The following FXN variants were observed in gnomAD, a reference collection of about 807,000 sequenced individuals.
FXN encodes frataxin.
In FXN, 14 loss-of-function variants were observed where a neutral mutation model predicts 22.4. The observed-to-expected ratio is 0.62, with a 90% confidence interval of 0.41 to 0.98. The LOEUF is 0.98. Ranked by LOEUF, FXN falls within the 50% of genes least tolerant of loss-of-function variation. The pLI, the probability that FXN is intolerant of heterozygous loss-of-function variation, is 0.00. For synonymous variants in FXN, 120 were observed against 114.1 expected (o/e 1.05, Z -0.33); for missense variants, 267 against 268.4 (o/e 0.99, Z 0.04).
At chr9:69,052,149 ATTT>A (rs34185166) in intron 2 of FXN, among the ~76,000 whole-genome samples, 13 of 144,062 alleles carry the variant, frequency 9.0e-5, no homozygotes, top group South Asian at 2.2e-4. Context: ...GGCCCAGCCT[ATTT>A]TTTTTTTTTT....
In FXN at chr9:69,054,754, ACCT is replaced by A. The variant is rs1831924255; in HGVS notation, c.384+1496_384+1498del. On this transcript the variant is annotated intron_variant, in intron 3 of 4. Coordinates refer to ENST00000484259, the MANE Select transcript of FXN (RefSeq NM_000144.5). ...ACTCCTGAACTCAAGTAATCCTCCC[ACCT>A]CAGCCTCCCAAAGTGCTAGGATTAC... Among the ~76,000 whole-genome samples, 4 of 151,764 alleles carry A rather than the reference ACCT, an allele frequency of 2.6e-5. No homozygotes were observed. In the South Asian group the frequency reaches 8.3e-4, roughly 32 times the overall value.
intron 4 of FXN, among the ~76,000 whole-genome samples, chr9:69,071,436 T>C (rs1417878325): frequency 6.6e-6 from 1 of 152,186 alleles, no homozygotes; most frequent in Non-Finnish European, 1.5e-5. Context: ...CAGGTGCCCT[T>C]TCTTCTGGGC....
At chr9:69,071,435 T>G (rs1156594186) in intron 4 of FXN, among the ~76,000 whole-genome samples, 1 of 152,212 alleles carries the variant, frequency 6.6e-6, no homozygotes, top group Non-Finnish European at 1.5e-5. Flanking sequence ...TCAGGTGCCC[T>G]TTCTTCTGGG....
At chr9:69,067,019 A>C (rs1267142782) in intron 4 of FXN, among the ~76,000 whole-genome samples, 1 of 152,160 alleles carries the variant, frequency 6.6e-6, no homozygotes, top group Non-Finnish European at 1.5e-5. Context: ...GCAGATCCAG[A>C]GTGGCCACCG....
Position 69,078,620 on chromosome 9 carries a change from C to A in FXN, c.*5858C>A. On this transcript the variant is annotated 3_prime_UTR_variant, in exon 5 of 5. Transcript: ENST00000484259. ...TCTACATATAATTATGCTTTTCTACCCCCTCACACTCAACACTTTGACTCC... is the reference window on the plus strand; with the variant it reads ...TCTACATATAATTATGCTTTTCTACACCCTCACACTCAACACTTTGACTCC... 2 of 985,670 alleles carry A rather than the reference C, an allele frequency of 2.0e-6. No individual in the cohort carries two copies. The highest frequency in any genetic ancestry group is 4.7e-5 in the South Asian group (1 of 21,278). The allele number at this position is 985,670 out of a possible 1,614,324, so 61.1% of individuals were successfully genotyped here.
At chr9:69,044,324 G>A (rs962447691) in intron 1 of FXN, among the ~76,000 whole-genome samples, 1 of 152,166 alleles carries the variant, frequency 6.6e-6, no homozygotes, top group East Asian at 1.9e-4. Context: ...TAGAATGTGC[G>A]ATAGCTCTAA....
chr9:69,055,424 T>C (rs975741236), intron 3 of FXN, among the ~76,000 whole-genome samples: 1 of 152,148 alleles, frequency 6.6e-6, no homozygotes, highest in Non-Finnish European at 1.5e-5. Flanking sequence ...CCAGAGTACT[T>C]TGCATGAATG....
At chr9:69,067,283 C>G (rs1832184984) in intron 4 of FXN, among the ~76,000 whole-genome samples, 1 of 152,262 alleles carries the variant, frequency 6.6e-6, no homozygotes, top group African/African-American at 2.4e-5. Context: ...AGGACCCAGG[C>G]CGTTCTGCGC....
intron 3 of FXN, among the ~76,000 whole-genome samples, chr9:69,060,096 TGG>T: frequency 6.6e-6 from 1 of 152,142 alleles, no homozygotes; most frequent in East Asian, 1.9e-4. Context: ...CAGCCGGGCG[TGG>T]TGGCTCACGC....
At chr9:69,055,703 AG>A (rs1429383898) in intron 3 of FXN, among the ~76,000 whole-genome samples, 1 of 151,810 alleles carries the variant, frequency 6.6e-6, no homozygotes, top group Non-Finnish European at 1.5e-5. Context: ...CATGTTGGCC[AG>A]GCTGGTCTCA....
rs950485112 is a variant in FXN at position 69,069,522 on chromosome 9, G to C, written c.483-3090G>C. On this transcript the variant is annotated intron_variant, in intron 4 of 4. Coordinates refer to ENST00000484259, the MANE Select transcript of FXN (RefSeq NM_000144.5). ...AATGTCACTTTCTGACACTCACCCC[G>C]CTGAATGTCCTGCCTCTGCTCAAGG... Among the ~76,000 whole-genome samples the C allele has an allele frequency of 1.1e-4, 17 of 152,258 alleles. No individual in the cohort carries two copies. The East Asian group carries it at 2.5e-3, about 22-fold the overall frequency.
At chr9:69,066,013 A>G (rs540305081) in intron 4 of FXN, among the ~76,000 whole-genome samples, 52 of 152,332 alleles carry the variant, frequency 3.4e-4, no homozygotes, top group African/African-American at 1.1e-3. Context: ...CTAGAGGAAT[A>G]AAAGATTGTG....
At chr9:69,057,680 A>G (rs1158182749) in intron 3 of FXN, among the ~76,000 whole-genome samples, 1 of 152,104 alleles carries the variant, frequency 6.6e-6, no homozygotes, top group Non-Finnish European at 1.5e-5. Context: ...TATGTATTTC[A>G]TGTTTGATAA....
intron 1 of FXN, 99 bp from the exon 2 acceptor site, chr9:69,046,286 A>T: frequency 1.2e-6 from 1 of 861,720 alleles, no homozygotes; most frequent in Non-Finnish European, 1.9e-6. Context: ...GCACTCGGTT[A>T]CAGGCACTCG....
chr9:69,054,081 T>C (rs2133112183), intron 3 of FXN, among the ~76,000 whole-genome samples: 1 of 152,130 alleles, frequency 6.6e-6, no homozygotes, highest in East Asian at 1.9e-4. Context: ...CTCGGCTCAC[T>C]GCTCCGCTTC....
In FXN at chr9:69,073,201, C is replaced by G; in HGVS notation, c.*439C>G. On this transcript the variant is annotated 3_prime_UTR_variant, in exon 5 of 5. Coordinates refer to ENST00000484259, the MANE Select transcript of FXN (RefSeq NM_000144.5). ...CACTGTTCTATCTCCAAATGAGACACATTAAAGGGTAGCCTACAAATGTTT... is the reference window on the plus strand; with the variant it reads ...CACTGTTCTATCTCCAAATGAGACAGATTAAAGGGTAGCCTACAAATGTTT... The G allele has an allele frequency of 1.9e-6, 2 of 1,056,368 alleles. No individual in the cohort carries two copies. Among genetic ancestry groups the G allele is most frequent in the South Asian group, 3.2e-5 (1 of 30,798 alleles). 65.4% of individuals were successfully genotyped at this position (1,056,368 alleles called of 1,614,324 possible).
At chr9:69,039,530 G>T (rs1434460833) in intron 1 of FXN, among the ~76,000 whole-genome samples, 1 of 152,142 alleles carries the variant, frequency 6.6e-6, no homozygotes, top group East Asian at 1.9e-4. Context: ...CCTACCTGGA[G>T]GCTGGGAAGG....
Position 69,077,755 on chromosome 9 carries a change from C to A in FXN, c.*4993C>A, listed in dbSNP as rs1383686327. On this transcript the variant is annotated 3_prime_UTR_variant, in exon 5 of 5. Transcript: ENST00000484259. ...GGCCAGCCTGGTCAACATGGTAAAACCCCGCCTCTACTAAAAATACAAAAA... is the reference window on the plus strand; with the variant it reads ...GGCCAGCCTGGTCAACATGGTAAAAACCCGCCTCTACTAAAAATACAAAAA... The A allele has an allele frequency of 1.5e-6, 1 of 688,274 alleles. No homozygotes were observed. The highest frequency in any genetic ancestry group is 1.8e-6 in the Non-Finnish European group (1 of 558,746). The allele number at this position is 688,274 out of a possible 1,614,324, so 42.6% of individuals were successfully genotyped here.
chr9:69,037,764 C>A (rs1490824102), intron 1 of FXN, among the ~76,000 whole-genome samples: 1 of 152,150 alleles, frequency 6.6e-6, no homozygotes, highest in Non-Finnish European at 1.5e-5. Flanking sequence ...CCTCTGCCTC[C>A]TGGGTTCAAG....
Sources: allele counts gnomAD v4.1 joint callset (sites outside exome capture counted in the v4.1 genomes callset), GRCh38; gene constraint gnomAD v4.1.1; transcripts MANE v1.5; gene names NCBI Gene and HGNC (gene_info 2026-07-23, HGNC 2026-07-21).